Variants in SCHIP1 observed in about 807,000 individuals in gnomAD.
The protein encoded by SCHIP1 is schwannomin-interacting protein 1.
SCHIP1 carries 8 observed loss-of-function variants against 29.7 expected under a neutral mutation model. The ratio of observed to expected loss-of-function variants is 0.27; its 90% CI spans 0.16 to 0.49. The LOEUF (loss-of-function observed/expected upper bound fraction) is 0.49. Ranked by LOEUF, SCHIP1 falls within the 20% of genes least tolerant of loss-of-function variation. The pLI is 0.99. For synonymous variants in SCHIP1, 76 were observed against 94.9 expected, an observed-to-expected ratio of 0.80 and a Z score of 1.16; for missense variants, 193 against 294.6, an observed-to-expected ratio of 0.66 and a Z score of 2.52.
chr3:159,774,582 G>T, the SCHIP1 span, among the ~76,000 whole-genome samples: 1 of 151,848 alleles, frequency 6.6e-6, no homozygotes, highest in Non-Finnish European at 1.5e-5. Flanking sequence ...TACTCTTGGG[G>T]TATATTTCCC....
At chr3:159,327,387 G>C in the SCHIP1 span, among the ~76,000 whole-genome samples, 14 of 152,260 alleles carry the variant, frequency 9.2e-5, no homozygotes, top group South Asian at 8.3e-4. Context: ...CTTGGCTCAG[G>C]TTCTCCCCTT....
At chr3:159,516,000 A>G in the SCHIP1 span, among the ~76,000 whole-genome samples, 2 of 151,876 alleles carry the variant, frequency 1.3e-5, no homozygotes, top group East Asian at 1.9e-4. Context: ...TTGGGGGGGA[A>G]TTTTTGGATA....
At chr3:159,461,927 A>G in the SCHIP1 span, among the ~76,000 whole-genome samples, 1 of 152,154 alleles carries the variant, frequency 6.6e-6, no homozygotes, top group Non-Finnish European at 1.5e-5. Flanking sequence ...AACCATCTGA[A>G]GGCTGGGCAT....
rs566940351 is a variant in SCHIP1 at position 159,843,001 on chromosome 3, C to CTTTTTTTTTTTTTTTTTTTTTTTT, written c.30+2792_30+2815dup. ...TCCAGTTCTATCCCAATATTTCTTTCTTTTTTTTTTTTTTTTTTTTTTTTT... is the reference window on the plus strand; with the variant it reads ...TCCAGTTCTATCCCAATATTTCTTTCTTTTTTTTTTTTTTTTTTTTTTTTTTTTTTTTTTTTTTTTTTTTTTTTT... On this transcript the variant is annotated intron_variant, in intron 1 of 6. Transcript: ENST00000445224. Among the ~76,000 whole-genome samples, 30 of 63,722 alleles carry CTTTTTTTTTTTTTTTTTTTTTTTT rather than the reference C, an allele frequency of 4.7e-4. 6 individuals are homozygous for CTTTTTTTTTTTTTTTTTTTTTTTT. The highest frequency in any genetic ancestry group is 1.8e-3 in the South Asian group (2 of 1,122). 41.8% of individuals were successfully genotyped at this position (63,722 alleles called of 152,430 possible).
At chr3:159,459,249 T>C in the SCHIP1 span, among the ~76,000 whole-genome samples, 1 of 152,048 alleles carries the variant, frequency 6.6e-6, no homozygotes, top group Non-Finnish European at 1.5e-5. Context: ...CTGGGCCCCA[T>C]GGTGGTTTTA....
chr3:159,517,650 A>G, the SCHIP1 span, among the ~76,000 whole-genome samples: 1 of 151,990 alleles, frequency 6.6e-6, no homozygotes, highest in Admixed American at 6.6e-5. Context: ...ACTATTTTTC[A>G]TTGTTTTTAA....
the SCHIP1 span, among the ~76,000 whole-genome samples, chr3:159,819,121 G>T: frequency 6.6e-6 from 1 of 152,200 alleles, no homozygotes; most frequent in African/African-American, 2.4e-5. Context: ...CTGGAGGCTG[G>T]AGCCCTCAAT....
the SCHIP1 span, among the ~76,000 whole-genome samples, chr3:159,360,987 T>C: frequency 6.6e-6 from 1 of 152,206 alleles, no homozygotes; most frequent in Non-Finnish European, 1.5e-5. Context: ...TTTATCTTTA[T>C]ATTTTTAACA....
chr3:159,543,464 G>T, the SCHIP1 span, among the ~76,000 whole-genome samples: 1 of 146,882 alleles, frequency 6.8e-6, no homozygotes, highest in Non-Finnish European at 1.5e-5. Flanking sequence ...GAGAACAAGC[G>T]GTGTTTGGTT....
chr3:159,740,770 A>ACAAAC, the SCHIP1 span, among the ~76,000 whole-genome samples: 2 of 138,504 alleles, frequency 1.4e-5, no homozygotes, highest in South Asian at 2.4e-4. Flanking sequence ...TCAAAAAAAA[A>ACAAAC]GAAAAAAAAA....
At chr3:159,694,871 A>C in the SCHIP1 span, among the ~76,000 whole-genome samples, 10 of 152,296 alleles carry the variant, frequency 6.6e-5, no homozygotes, top group East Asian at 1.9e-3. Context: ...GATTCTCAAT[A>C]AATTGGTTGA....
chr3:159,331,531 T>C, the SCHIP1 span, among the ~76,000 whole-genome samples: 363 of 152,224 alleles, frequency 2.4e-3, 1 homozygote, highest in African/African-American at 8.0e-3. Flanking sequence ...TATCCAGCCC[T>C]AGCTCCCCAA....
At chr3:159,387,759 A>G in the SCHIP1 span, among the ~76,000 whole-genome samples, 1 of 152,210 alleles carries the variant, frequency 6.6e-6, no homozygotes, top group Non-Finnish European at 1.5e-5. Flanking sequence ...ACAAACAGAT[A>G]CACACATTAT....
chr3:159,760,366 G>A, the SCHIP1 span, among the ~76,000 whole-genome samples: 1 of 152,068 alleles, frequency 6.6e-6, no homozygotes, highest in East Asian at 1.9e-4. Context: ...ATTTTTGCTT[G>A]GTAAATTCAT....
the SCHIP1 span, among the ~76,000 whole-genome samples, chr3:159,826,223 T>C: frequency 6.6e-6 from 1 of 152,160 alleles, no homozygotes; most frequent in Non-Finnish European, 1.5e-5. Context: ...CTTTGGGAAC[T>C]AAATCAAGGA....
At chr3:159,620,767 G>C in the SCHIP1 span, among the ~76,000 whole-genome samples, 2 of 152,246 alleles carry the variant, frequency 1.3e-5, no homozygotes, top group Admixed American at 6.5e-5. Flanking sequence ...GTTGGGTGTA[G>C]AGATCAGTTG....
chr3:159,539,791 T>C, the SCHIP1 span, among the ~76,000 whole-genome samples: 3 of 136,752 alleles, frequency 2.2e-5, no homozygotes, highest in African/African-American at 7.6e-5. Context: ...ACATGCACAC[T>C]ATTACAGCAC....
the SCHIP1 span, among the ~76,000 whole-genome samples, chr3:159,345,577 T>TCTCTCTCA: frequency 2.6e-5 from 4 of 151,650 alleles, no homozygotes; most frequent in African/African-American, 7.3e-5. Context: ...TCTCTCTCTC[T>TCTCTCTCA]CTCACTCACT....
the SCHIP1 span, among the ~76,000 whole-genome samples, chr3:159,690,409 G>T: frequency 1.3e-5 from 2 of 152,102 alleles, no homozygotes; most frequent in South Asian, 4.1e-4. Context: ...TTCTCTGATG[G>T]TAGTTTGTAT....
Sources: allele counts gnomAD v4.1 joint callset (sites outside exome capture counted in the v4.1 genomes callset), GRCh38; gene constraint gnomAD v4.1.1; transcripts MANE v1.5; gene names NCBI Gene and HGNC (gene_info 2026-07-23, HGNC 2026-07-21).